The following ALB variants were observed in gnomAD, a reference collection of about 807,000 sequenced individuals.
ALB encodes serum albumin.
A neutral mutation model predicts 74.5 loss-of-function variants in ALB; 37 were observed. The observed-to-expected ratio is 0.50, with a 90% CI of 0.38 to 0.65. The LOEUF is 0.65. Ranked by LOEUF, ALB falls within the 30% of genes least tolerant of loss-of-function variation. The pLI is 0.00. For synonymous variants in ALB, 249 were observed against 251.6 expected, an observed-to-expected ratio of 0.99 and a Z score of 0.10; for missense variants, 685 against 718.7, an observed-to-expected ratio of 0.95 and a Z score of 0.54.
chr4:73,420,015 T>G (rs1234594384), intron 13 of ALB, among the ~76,000 whole-genome samples: 1 of 152,232 alleles, frequency 6.6e-6, no homozygotes, highest in Non-Finnish European at 1.5e-5. Context: ...AGAATTTACA[T>G]TCAAATGTCT....
At position 73,412,015 on chromosome 4, in the gene ALB, CAG is replaced by C; in HGVS notation, c.737_738del (p.Arg246IlefsTer5). ...FKAWAVARLS[Q>X]RFPKAEFAEV... ...TTTTAGGGCAGTAGCTCGCCTGAGC[CAG>C]AGATTTCCCAAAGCTGAGTTTGCAG... On this transcript the variant is annotated frameshift_variant, in exon 7 of 15. Transcript: ENST00000295897. LOFTEE classifies it high-confidence loss of function. 6.2e-7 allele frequency: 1 copy of C among 1,614,148 alleles called. No individual in the cohort carries two copies. Among genetic ancestry groups the C allele is most frequent in the Non-Finnish European group, 8.5e-7 (1 of 1,180,024 alleles).
chr4:73,417,029 C>T (rs1335438835), intron 10 of ALB, among the ~76,000 whole-genome samples: 3 of 152,112 alleles, frequency 2.0e-5, no homozygotes, highest in African/African-American at 7.2e-5. Context: ...TTTCTTTCCT[C>T]GAGTAGATTA....
chr4:73,418,016 T>C, intron 11 of ALB, 72 bp from the exon 12 acceptor site: 2 of 1,451,374 alleles, frequency 1.4e-6, no homozygotes, highest in Non-Finnish European at 1.9e-6. Flanking sequence ...GCCTGGCTAA[T>C]TTTTTGTATT....
chr4:73,405,638 T>G (rs1179094940), intron 2 of ALB, among the ~76,000 whole-genome samples: 1 of 152,044 alleles, frequency 6.6e-6, no homozygotes, highest in Non-Finnish European at 1.5e-5. Context: ...TCGCCCAGGC[T>G]GGAGTGCAGT....
intron 14 of ALB, chr4:73,420,711 T>G (rs1719120441): frequency 1.1e-5 from 3 of 269,016 alleles, no homozygotes; most frequent in Middle Eastern, 1.2e-3. Flanking sequence ...CATGAAAGAG[T>G]GCTTTATAGG....
Position 73,413,648 on chromosome 4 carries a change from A to G in ALB, c.1058+14A>G. 1 of 1,612,884 alleles carries G rather than the reference A, an allele frequency of 6.2e-7. No individual in the cohort carries two copies. Among genetic ancestry groups the G allele is most frequent in the Admixed American group, 1.7e-5 (1 of 60,002 alleles). ...CTTCCTGGGCATGTAAGTAGATAAG[A>G]AATTATTCTTTTATAGCTTTGGCAT... On this transcript the variant is annotated intron_variant, in intron 8 of 14. Coordinates refer to ENST00000295897, the MANE Select transcript of ALB (RefSeq NM_000477.7).
At chr4:73,419,702 G>C (rs1000987701) in intron 13 of ALB, 63 bp downstream of exon 13, 189 of 1,583,770 alleles carry the variant, frequency 1.2e-4, no homozygotes, top group Non-Finnish European at 1.5e-4. Flanking sequence ...GGTTAGGCTA[G>C]GGCTTAGGGA....
intron 3 of ALB, among the ~76,000 whole-genome samples, chr4:73,407,473 A>G (rs1718763605): frequency 6.6e-6 from 1 of 152,210 alleles, no homozygotes; most frequent in South Asian, 2.1e-4. Context: ...ATTCCAGTGC[A>G]TGTGTGTACC....
At position 73,418,272 on chromosome 4, in the gene ALB, G is replaced by A. The variant is rs2149329651; in HGVS notation, c.1613G>A (p.Cys538Tyr). 6.2e-7 allele frequency: 1 copy of A among 1,613,980 alleles called. No homozygotes were observed. The highest frequency in any genetic ancestry group is 8.5e-7 in the Non-Finnish European group (1 of 1,179,964). ...AETFTFHADI[C>Y]TLSEKERQIK... ...ACATTCACCTTCCATGCAGATATAT[G>A]CACACTTTCTGAGAAGGAGAGACAA... Residue 538 changes from cysteine to tyrosine, a missense_variant, in exon 12 of 15, where the codon TGC becomes TAC. By Grantham distance (194) the Cys-to-Tyr change is radical. Coordinates refer to ENST00000295897, the MANE Select transcript of ALB (RefSeq NM_000477.7).
At position 73,421,138 on chromosome 4, in the gene ALB, C is replaced by T. The variant is rs1437002490; in HGVS notation, c.*70C>T. 1.4e-6 allele frequency: 1 copy of T among 695,564 alleles called. No homozygotes were observed. Among genetic ancestry groups the T allele is most frequent in the Non-Finnish European group, 2.6e-6 (1 of 382,582 alleles). 43.1% of individuals were successfully genotyped at this position (695,564 alleles called of 1,614,324 possible). A position where few individuals can be genotyped will look rare whatever the true frequency, so the allele number is the denominator to read the frequency against. Reference sequence around the variant, plus strand: ...AGAAAATGAAGATCAAAAGCTTATTCATCTGTTTTTCTTTTTCGTTGGTGT... The same window carrying T: ...AGAAAATGAAGATCAAAAGCTTATTTATCTGTTTTTCTTTTTCGTTGGTGT... On this transcript the variant is annotated 3_prime_UTR_variant, in exon 15 of 15. Coordinates refer to ENST00000295897, the MANE Select transcript of ALB (RefSeq NM_000477.7).
Position 73,408,627 on chromosome 4 carries a change from G to A in ALB, c.304G>A (p.Ala102Thr). ...TLFGDKLCTV[A>T]TLRETYGEMA... ...TTTTGGAGACAAATTATGCACAGTTGCAACTCTTCGTGAAACCTATGGTGA... is the reference window on the plus strand; with the variant it reads ...TTTTGGAGACAAATTATGCACAGTTACAACTCTTCGTGAAACCTATGGTGA... Residue 102 changes from alanine to threonine, a missense_variant, in exon 4 of 15, where the codon GCA (alanine) becomes ACA (threonine). Transcript: ENST00000295897. 1 of 1,613,952 alleles carries A rather than the reference G, an allele frequency of 6.2e-7. No homozygotes were observed. Among genetic ancestry groups the A allele is most frequent in the Admixed American group, 1.7e-5 (1 of 60,006 alleles).
chr4:73,418,351 A>G, intron 12 of ALB, 40 bp downstream of exon 12: 1 of 1,563,726 alleles, frequency 6.4e-7, no homozygotes. Context: ...TGTAGTCTTG[A>G]TAGCAAGAAC....
chr4:73,415,116 T>A lies in ALB; in HGVS notation c.1140T>A (p.Thr380=). 6.2e-7 allele frequency: 1 copy of A among 1,614,138 alleles called. No homozygotes were observed. Among genetic ancestry groups the A allele is most frequent in the Non-Finnish European group, 8.5e-7 (1 of 1,180,032 alleles). ...GACTTGCCAAGACATATGAAACCAC[T>A]CTAGAGAAGTGCTGTGCCGCTGCAG... ...LLRLAKTYET[T]LEKCCAAADP... Residue 380 remains threonine (T), a synonymous_variant, in exon 9 of 15, where the codon ACT becomes ACA. Transcript: ENST00000295897.
rs1719115422 is a variant in ALB at position 73,420,423 on chromosome 4, C to T, written c.*23+102C>T. The T allele has an allele frequency of 4.4e-6, 3 of 679,282 alleles. No homozygotes were observed. In the East Asian group the frequency reaches 8.4e-5, roughly 19 times the overall value. 42.1% of individuals were successfully genotyped at this position (679,282 alleles called of 1,614,324 possible). On this transcript the variant is annotated intron_variant, in intron 14 of 14. Coordinates refer to ENST00000295897, the MANE Select transcript of ALB (RefSeq NM_000477.7). ...GAGCCATATAGACCAGCACCGACCA[C>T]TATTCTAAACTATTTATGTATGTAA...
intron 10 of ALB, among the ~76,000 whole-genome samples, 172 bp downstream of exon 10, chr4:73,416,525 G>C (rs544993781): frequency 6.6e-6 from 1 of 152,188 alleles, no homozygotes; most frequent in Admixed American, 6.5e-5. Context: ...GGGGTGGAGA[G>C]GTCTATATTT....
chr4:73,421,243 T>C lies in ALB; in HGVS notation c.*175T>C, dbSNP rs1719134134. ...TCTCTGTGCTTCAATTAATAAAAAA[T>C]GGAAAGAATCTAATAGAGTGGTACA... On this transcript the variant is annotated 3_prime_UTR_variant, in exon 15 of 15. Coordinates refer to ENST00000295897, the MANE Select transcript of ALB (RefSeq NM_000477.7). The C allele has an allele frequency of 1.7e-6, 1 of 598,234 alleles. No homozygotes were observed. Among genetic ancestry groups the C allele is most frequent in the Non-Finnish European group, 3.0e-6 (1 of 338,876 alleles). The allele number at this position is 598,234 out of a possible 1,614,324, so 37.1% of individuals were successfully genotyped here.
At chr4:73,408,945 G>A (rs2149327528) in intron 4 of ALB, 140 bp downstream of exon 4, 1 of 804,752 alleles carries the variant, frequency 1.2e-6, no homozygotes, top group Admixed American at 2.9e-5. Flanking sequence ...TTTTAAAGAA[G>A]TAGTATTTGA....
rs1718661155 is a variant in ALB, at chr4:73,404,290, G to A, written c.-38G>A. ...TGCTAATTTCCCTCCGTTTGTCCTAGCTTTTCTCTTCTGTCAACCCCACAC... is the reference window on the plus strand; with the variant it reads ...TGCTAATTTCCCTCCGTTTGTCCTAACTTTTCTCTTCTGTCAACCCCACAC... On this transcript the variant is annotated 5_prime_UTR_variant, in exon 1 of 15. Transcript: ENST00000295897. 6.6e-7 allele frequency: 1 copy of A among 1,512,336 alleles called. No homozygotes were observed. Among genetic ancestry groups the A allele is most frequent in the African/African-American group, 1.4e-5 (1 of 72,884 alleles). The allele number at this position is 1,512,336 out of a possible 1,614,324, so 93.7% of individuals were successfully genotyped here.
At chr4:73,411,153 A>G (rs1348361993) in intron 6 of ALB, among the ~76,000 whole-genome samples, 2 of 152,142 alleles carry the variant, frequency 1.3e-5, no homozygotes, top group African/African-American at 4.8e-5. Context: ...AATAATAGAC[A>G]TTATGCATGC....
Sources: allele counts gnomAD v4.1 joint callset (sites outside exome capture counted in the v4.1 genomes callset), GRCh38; gene constraint gnomAD v4.1.1; transcripts MANE v1.5; gene names NCBI Gene and HGNC (gene_info 2026-07-23, HGNC 2026-07-21).